The following OXR1 variants were observed in gnomAD, a reference collection of about 807,000 sequenced individuals.
OXR1 encodes oxidation resistance 1.
Under a neutral mutation model 104.6 loss-of-function variants are expected in OXR1, and 41 were observed. The observed-to-expected ratio is 0.39, with a 90% CI of 0.31 to 0.51. The LOEUF (loss-of-function observed/expected upper bound fraction) is 0.51, where lower values mean the gene tolerates loss of function less well. Ranked by LOEUF, OXR1 falls within the 20% of genes least tolerant of loss-of-function variation. The probability of loss-of-function intolerance (pLI) is 0.77; values close to 1 mark genes in which losing one functional copy is unlikely to be tolerated. For synonymous variants in OXR1, 348 were observed against 348.4 expected (o/e 1.00, Z 0.01); for missense variants, 955 against 1,031.9 (o/e 0.93, Z 1.02).
chr8:106,280,537 A>G (rs1331055548), intron 1 of OXR1, among the ~76,000 whole-genome samples: 2 of 152,136 alleles, frequency 1.3e-5, no homozygotes, highest in African/African-American at 4.8e-5. Context: ...TCAAATTCAT[A>G]GAGACAGAAA....
intron 2 of OXR1, among the ~76,000 whole-genome samples, chr8:106,515,209 A>T (rs1485789197): frequency 6.6e-6 from 1 of 152,032 alleles, no homozygotes; most frequent in Non-Finnish European, 1.5e-5. Context: ...AATAAAAATT[A>T]TATATATTTA....
intron 2 of OXR1, among the ~76,000 whole-genome samples, chr8:106,364,036 A>C (rs1816361756): frequency 6.6e-6 from 1 of 152,102 alleles, no homozygotes; most frequent in Admixed American, 6.5e-5. Flanking sequence ...GGTAACTGGG[A>C]AATACTGCAG....
chr8:106,560,533 T>C (rs1816599812), intron 3 of OXR1, among the ~76,000 whole-genome samples: 1 of 152,064 alleles, frequency 6.6e-6, no homozygotes, highest in South Asian at 2.1e-4. Flanking sequence ...TTCTGAAGCA[T>C]CTGTAAGACC....
chr8:106,677,207 A>C lies in OXR1; in HGVS notation c.221-2003A>C, dbSNP rs553148436. Among the ~76,000 whole-genome samples, 281 of 59,272 alleles carry C rather than the reference A, an allele frequency of 4.7e-3. 2 individuals are homozygous for C. Among genetic ancestry groups the C allele is most frequent in the African/African-American group, 0.025 (269 of 10,580 alleles). The allele number at this position is 59,272 out of a possible 152,430, so 38.9% of individuals were successfully genotyped here. ...GCAAGTTTAATTTGCTATTCAAAGA[A>C]ATCATTTAAAAATTATTTAAAACAT... On this transcript the variant is annotated intron_variant, in intron 3 of 16. Transcript: ENST00000517566.
intron 2 of OXR1, among the ~76,000 whole-genome samples, chr8:106,498,845 G>A (rs1344898125): frequency 6.6e-6 from 1 of 152,292 alleles, no homozygotes; most frequent in Middle Eastern, 3.4e-3. Flanking sequence ...ACCAACTGAT[G>A]CAGGTTTTAC....
intron 3 of OXR1, among the ~76,000 whole-genome samples, chr8:106,574,962 T>C (rs1290219733): frequency 2.0e-5 from 3 of 152,158 alleles, no homozygotes; most frequent in African/African-American, 2.4e-5. Flanking sequence ...CTTTAGTTGG[T>C]TTTTTATGGC....
intron 2 of OXR1, among the ~76,000 whole-genome samples, chr8:106,491,353 T>C (rs928124613): frequency 6.6e-6 from 1 of 152,246 alleles, no homozygotes; most frequent in Admixed American, 6.5e-5. Flanking sequence ...CAGACAAACA[T>C]ATTCATTTGC....
intron 1 of OXR1, among the ~76,000 whole-genome samples, chr8:106,351,399 T>C (rs1177167319): frequency 1.3e-5 from 2 of 152,182 alleles, no homozygotes; most frequent in Admixed American, 1.3e-4. Context: ...TAATGACGAT[T>C]AGGCAAGTTT....
At chr8:106,308,605 T>C (rs1813559620) in intron 1 of OXR1, among the ~76,000 whole-genome samples, 1 of 152,188 alleles carries the variant, frequency 6.6e-6, no homozygotes, top group African/African-American at 2.4e-5. Flanking sequence ...AATGGCTTTC[T>C]AGTTAGATCA....
chr8:106,377,120 G>T (rs545440757), intron 2 of OXR1, among the ~76,000 whole-genome samples: 2 of 152,136 alleles, frequency 1.3e-5, no homozygotes, highest in South Asian at 4.1e-4. Flanking sequence ...AATTATTTTG[G>T]AAAACAATAG....
intron 2 of OXR1, among the ~76,000 whole-genome samples, chr8:106,473,249 A>G (rs886332437): frequency 1.3e-5 from 2 of 151,876 alleles, no homozygotes; most frequent in African/African-American, 2.4e-5. Context: ...TGTTGCCACA[A>G]CTGGGCAACT....
chr8:106,599,404 C>T (rs1819785153), intron 3 of OXR1, among the ~76,000 whole-genome samples: 1 of 152,132 alleles, frequency 6.6e-6, no homozygotes, highest in Admixed American at 6.5e-5. Context: ...AGAGAGACTT[C>T]TTACTATATA....
intron 2 of OXR1, among the ~76,000 whole-genome samples, chr8:106,429,328 T>A (rs1312167361): frequency 6.6e-6 from 1 of 152,074 alleles, no homozygotes; most frequent in Non-Finnish European, 1.5e-5. Flanking sequence ...CTTCTAATTG[T>A]CTTTAGATCC....
intron 2 of OXR1, among the ~76,000 whole-genome samples, chr8:106,432,253 T>C (rs1789978): frequency 0.52 from 79,162 of 152,054 alleles, 23,860 homozygotes; most frequent in African/African-American, 0.83. Flanking sequence ...AGCAGCCAGA[T>C]TGATCCTTCA....
At chr8:106,696,328 T>G (rs144690030) in intron 7 of OXR1, among the ~76,000 whole-genome samples, 1 of 152,324 alleles carries the variant, frequency 6.6e-6, no homozygotes, top group Non-Finnish European at 1.5e-5. Flanking sequence ...CTAATATTAC[T>G]GAATATTCCA....
chr8:106,324,318 A>G (rs1814365134), intron 1 of OXR1, among the ~76,000 whole-genome samples: 2 of 152,164 alleles, frequency 1.3e-5, no homozygotes, highest in Non-Finnish European at 2.9e-5. Context: ...GATAAAACTT[A>G]TGAACACAAA....
At chr8:106,285,706 A>G (rs1812468262) in intron 1 of OXR1, among the ~76,000 whole-genome samples, 1 of 152,096 alleles carries the variant, frequency 6.6e-6, no homozygotes, top group Admixed American at 6.6e-5. Flanking sequence ...GACCCCTTAA[A>G]CAAGGATATT....
At chr8:106,329,433 C>T (rs1254578110) in intron 1 of OXR1, among the ~76,000 whole-genome samples, 8 of 149,134 alleles carry the variant, frequency 5.4e-5, no homozygotes, top group East Asian at 2.0e-4. Context: ...CTGCAAGCTC[C>T]GCTTCCCGGG....
At chr8:106,608,902 G>A (rs1004360457) in intron 3 of OXR1, among the ~76,000 whole-genome samples, 1 of 152,154 alleles carries the variant, frequency 6.6e-6, no homozygotes, top group Non-Finnish European at 1.5e-5. Context: ...TGTGAATTTA[G>A]TTCTAGCTGA....
Sources: allele counts gnomAD v4.1 joint callset (sites outside exome capture counted in the v4.1 genomes callset), GRCh38; gene constraint gnomAD v4.1.1; transcripts MANE v1.5; gene names NCBI Gene and HGNC (gene_info 2026-07-23, HGNC 2026-07-21).